Variants in TNRC6C observed in about 807,000 individuals in gnomAD.
TNRC6C encodes trinucleotide repeat containing adaptor 6C, also known as trinucleotide repeat-containing gene 6C protein.
Under a neutral mutation model 153.7 loss-of-function variants are expected in TNRC6C, and 20 were observed. That is an observed-to-expected ratio of 0.13 (90% CI 0.09 to 0.19). TNRC6C has a LOEUF of 0.19. TNRC6C is among the 10% of genes least tolerant of loss of function. TNRC6C has a pLI of 1.00. For synonymous variants in TNRC6C, 811 were observed against 841.4 expected, an observed-to-expected ratio of 0.96 and a Z score of 0.63; for missense variants, 1,987 against 2,172.0, an observed-to-expected ratio of 0.91 and a Z score of 1.69.
chr17:78,103,676 C>CCAGAAGTGGGAGGGTGG, intron 19 of TNRC6C, 123 bp downstream of exon 22: 1 of 1,379,940 alleles, frequency 7.2e-7, no homozygotes, highest in Non-Finnish European at 9.7e-7. Flanking sequence ...TGGCCACCCT[C>CCAGAAGTGGGAGGGTGG]CCACTTCTGG....
intron 1 of TNRC6C, among the ~76,000 whole-genome samples, chr17:78,007,228 T>C (rs747707305): frequency 2.0e-5 from 3 of 152,228 alleles, no homozygotes; most frequent in Non-Finnish European, 2.9e-5. Context: ...ACTGTTCCTT[T>C]GGGTACAGTT....
chr17:78,100,897 T>C (rs2073581682), intron 17 of TNRC6C, among the ~76,000 whole-genome samples: 1 of 148,944 alleles, frequency 6.7e-6, no homozygotes, highest in Non-Finnish European at 1.5e-5. Context: ...TGTCTCAGCC[T>C]CCCGAGTAGC....
rs568446289 is a variant in TNRC6C, at chr17:78,068,002, A to G, written c.2778+79A>G. 2.5e-5 allele frequency: 37 copies of G among 1,490,004 alleles called. No homozygotes were observed. In the East Asian group the frequency reaches 8.4e-4, roughly 34 times the overall value. 92.3% of individuals were successfully genotyped at this position (1,490,004 alleles called of 1,614,324 possible). On this transcript the variant is annotated intron_variant, in intron 5 of 19. Coordinates refer to ENST00000301624, the Ensembl canonical transcript of TNRC6C. The stretch of plus-strand genomic sequence containing the variant: ...ACACATTCAGTATCCAGTTAATCAG[A>G]CAAAAAGATAGACCTGAGGTTCTCA...
intron 1 of TNRC6C, among the ~76,000 whole-genome samples, chr17:78,006,485 C>CT (rs1296616671): frequency 1.4e-5 from 2 of 144,450 alleles, no homozygotes; most frequent in African/African-American, 5.4e-5. Flanking sequence ...TCTTCTTCTT[C>CT]TTCTTCTTTC....
intron 1 of TNRC6C, among the ~76,000 whole-genome samples, chr17:78,015,785 G>A (rs770458742): frequency 9.2e-5 from 14 of 152,108 alleles, no homozygotes; most frequent in African/African-American, 1.4e-4. Flanking sequence ...GGTGGTGGGC[G>A]CCTGTGATCC....
chr17:77,960,364 A>G (rs886083516), intron 1 of TNRC6C, among the ~76,000 whole-genome samples: 2 of 152,196 alleles, frequency 1.3e-5, no homozygotes, highest in Admixed American at 1.3e-4. Context: ...TCTGGTGTTC[A>G]CGTTGACGTA....
intron 1 of TNRC6C, chr17:78,008,355 T>A (rs2071559836): frequency 6.6e-6 from 1 of 152,222 alleles, no homozygotes; most frequent in African/African-American, 2.4e-5. Flanking sequence ...GTGATATCTT[T>A]GGGTCATTTT....
chr17:78,030,494 G>A (rs2072048859), intron 1 of TNRC6C, among the ~76,000 whole-genome samples: 1 of 152,116 alleles, frequency 6.6e-6, no homozygotes, highest in South Asian at 2.1e-4. Flanking sequence ...CGTGAGTAAT[G>A]TGTTGTGACA....
At chr17:77,987,417 C>T (rs1305085459) in intron 1 of TNRC6C, among the ~76,000 whole-genome samples, 1 of 152,192 alleles carries the variant, frequency 6.6e-6, no homozygotes, top group East Asian at 1.9e-4. Flanking sequence ...CTTTTGGAAG[C>T]AGTTTCATAA....
exon 3 of TNRC6C, chr17:78,048,872 A>G: frequency 3.2e-6 from 4 of 1,245,388 alleles, no homozygotes; most frequent in Non-Finnish European, 4.0e-6. Context: ...TTGGCAGATC[A>G]TTATGAAAAT....
chr17:77,992,265 C>T (rs2071263236), intron 1 of TNRC6C, among the ~76,000 whole-genome samples: 1 of 50,516 alleles, frequency 2.0e-5, no homozygotes, highest in Non-Finnish European at 3.4e-5. Flanking sequence ...TTTGGGAGGC[C>T]GAGACGGGCG....
At chr17:78,102,780 A>T in intron 18 of TNRC6C, 2 of 511,368 alleles carry the variant, frequency 3.9e-6, no homozygotes, top group Non-Finnish European at 6.9e-6. Context: ...TTGTTTCCCC[A>T]CCAGAGGCTG....
At chr17:77,973,971 G>A (rs1237092132) in intron 1 of TNRC6C, among the ~76,000 whole-genome samples, 1 of 136,832 alleles carries the variant, frequency 7.3e-6, no homozygotes, top group Non-Finnish European at 1.5e-5. Flanking sequence ...TGTTGTTGTT[G>A]TTGTTGTTGT....
intron 1 of TNRC6C, among the ~76,000 whole-genome samples, chr17:77,994,017 AC>A (rs113505419): frequency 0.042 from 6,404 of 152,034 alleles, 434 homozygotes; most frequent in African/African-American, 0.15. Context: ...ACATGGTGAA[AC>A]CCCGTCTCTA....
intron 11 of TNRC6C, among the ~76,000 whole-genome samples, chr17:78,083,533 A>G (rs987537153): frequency 1.3e-4 from 20 of 152,116 alleles, no homozygotes; most frequent in Admixed American, 9.2e-4. Context: ...AAATCTACCA[A>G]TCTACCAGAT....
chr17:78,010,814 T>A (rs1169834560), intron 1 of TNRC6C, among the ~76,000 whole-genome samples: 1 of 152,036 alleles, frequency 6.6e-6, no homozygotes, highest in Non-Finnish European at 1.5e-5. Flanking sequence ...ACAAAAAAAA[T>A]ATTAAGATGA....
chr17:78,072,098 G>A (rs1024455577), intron 6 of TNRC6C, among the ~76,000 whole-genome samples: 4 of 152,228 alleles, frequency 2.6e-5, no homozygotes, highest in African/African-American at 7.2e-5. Context: ...AGTCCAGAAT[G>A]GCCTCCATGT....
At chr17:78,069,540 T>C (rs1405713436) in intron 5 of TNRC6C, among the ~76,000 whole-genome samples, 2 of 152,226 alleles carry the variant, frequency 1.3e-5, no homozygotes, top group Non-Finnish European at 2.9e-5. Context: ...CATGCCACTC[T>C]GCCCAACTAA....
At chr17:78,034,883 C>T (rs1340877797) in intron 2 of TNRC6C, among the ~76,000 whole-genome samples, 1 of 152,060 alleles carries the variant, frequency 6.6e-6, no homozygotes, top group African/African-American at 2.4e-5. Context: ...GTGGGACAAT[C>T]GCTTGAGTCT....
Sources: gnomAD v4.1 joint callset for allele counts (sites outside exome capture counted in the v4.1 genomes callset) on GRCh38, gnomAD v4.1.1 for gene constraint, MANE v1.5 for transcripts, NCBI Gene and HGNC (gene_info 2026-07-23, HGNC 2026-07-21) for gene names.